GRIA4: variants seen among roughly 807,000 people sequenced by gnomAD.
GRIA4 encodes glutamate ionotropic receptor AMPA type subunit 4, also known as glutamate receptor 4.
GRIA4 carries 34 observed loss-of-function variants against 104.0 expected under a neutral mutation model. That is an observed-to-expected ratio of 0.33 (90% CI 0.25 to 0.44). The LOEUF (loss-of-function observed/expected upper bound fraction) is 0.44, where lower values mean the gene tolerates loss of function less well. Ranked by LOEUF, GRIA4 falls within the 20% of genes least tolerant of loss-of-function variation. The pLI, the probability that GRIA4 is intolerant of heterozygous loss-of-function variation, is 1.00. For missense variants in GRIA4, 750 were observed against 1,096.5 expected, an observed-to-expected ratio of 0.68 and a Z score of 4.46; for synonymous variants, 386 against 381.9, an observed-to-expected ratio of 1.01 and a Z score of -0.13.
chr11:105,762,935 T>C (rs2083675369), intron 4 of GRIA4, among the ~76,000 whole-genome samples: 3 of 152,206 alleles, frequency 2.0e-5, no homozygotes, highest in Admixed American at 2.0e-4. Flanking sequence ...TAACAGATTA[T>C]ACAATAGCAA....
At chr11:105,738,591 T>C (rs927994594) in intron 3 of GRIA4, among the ~76,000 whole-genome samples, 1 of 152,128 alleles carries the variant, frequency 6.6e-6, no homozygotes, top group Non-Finnish European at 1.5e-5. Flanking sequence ...TCTGCCCAAA[T>C]ATTATTCCAT....
At chr11:105,925,772 A>G (rs1358829973) in intron 12 of GRIA4, among the ~76,000 whole-genome samples, 1 of 152,146 alleles carries the variant, frequency 6.6e-6, no homozygotes, top group Admixed American at 6.6e-5. Context: ...TGTCTCTTTT[A>G]TAATAGCAAG....
At chr11:105,718,388 T>C (rs1954174013) in intron 3 of GRIA4, among the ~76,000 whole-genome samples, 1 of 152,088 alleles carries the variant, frequency 6.6e-6, no homozygotes, top group African/African-American at 2.4e-5. Flanking sequence ...CAGACAAAGG[T>C]ACCAATATTA....
intron 4 of GRIA4, among the ~76,000 whole-genome samples, chr11:105,811,224 G>T (rs1440430155): frequency 6.6e-6 from 1 of 152,136 alleles, no homozygotes; most frequent in Non-Finnish European, 1.5e-5. Flanking sequence ...AGATTCGAGG[G>T]TAAGGAAAAT....
At chr11:105,678,707 T>A (rs1952619200) in intron 3 of GRIA4, among the ~76,000 whole-genome samples, 1 of 152,106 alleles carries the variant, frequency 6.6e-6, no homozygotes, top group African/African-American at 2.4e-5. Flanking sequence ...TCAGTTGATG[T>A]TAGTGAAGCA....
At chr11:105,854,122 C>T (rs561181460) in intron 4 of GRIA4, among the ~76,000 whole-genome samples, 1 of 152,232 alleles carries the variant, frequency 6.6e-6, no homozygotes, top group African/African-American at 2.4e-5. Context: ...CTCCTGACTT[C>T]ATGAGCTTAC....
At chr11:105,651,474 A>AT (rs909278916) in intron 3 of GRIA4, among the ~76,000 whole-genome samples, 10 of 152,082 alleles carry the variant, frequency 6.6e-5, no homozygotes, top group Non-Finnish European at 2.9e-5. Flanking sequence ...CTCCTCTCTC[A>AT]TTTTTTAGAG....
chr11:105,944,528 CA>C (rs1948258349), intron 14 of GRIA4, among the ~76,000 whole-genome samples: 1 of 151,042 alleles, frequency 6.6e-6, no homozygotes, highest in African/African-American at 2.4e-5. Context: ...ACAGTAGCCT[CA>C]ACAGAGATAA....
intron 4 of GRIA4, among the ~76,000 whole-genome samples, chr11:105,816,158 T>G (rs982545050): frequency 3.3e-5 from 5 of 152,206 alleles, no homozygotes; most frequent in Non-Finnish European, 2.9e-5. Context: ...CACTTCTCTG[T>G]GCATTGGCCT....
intron 4 of GRIA4, among the ~76,000 whole-genome samples, chr11:105,792,860 C>T (rs1339272692): frequency 6.6e-6 from 1 of 151,916 alleles, no homozygotes; most frequent in Admixed American, 6.6e-5. Flanking sequence ...AATATTGCAT[C>T]TGGGCACTTG....
At chr11:105,899,858 T>C (rs745535605) in intron 7 of GRIA4, among the ~76,000 whole-genome samples, 5 of 152,168 alleles carry the variant, frequency 3.3e-5, no homozygotes, top group Non-Finnish European at 7.4e-5. Context: ...TGAAGCTTAT[T>C]TAACATGCGC....
chr11:105,898,358 A>G lies in GRIA4; in HGVS notation c.816A>G (p.Val272=). ...FQLVDFNTPM[V]IKLMDRWKKL... ...TGGTGGATTTTAATACACCTATGGT[A>G]ATCAAACTAATGGATCGCTGGAAGA... The change falls in exon 7 of 17, where the codon GTA becomes GTG. Residue 272 remains valine, a synonymous_variant. Coordinates refer to ENST00000282499, the MANE Select transcript of GRIA4 (RefSeq NM_000829.4). 6.3e-7 allele frequency: 1 copy of G among 1,582,134 alleles called. No individual in the cohort carries two copies.
chr11:105,839,075 G>A lies in GRIA4; in HGVS notation c.488-22949G>A, dbSNP rs925282202. 3.3e-5 allele frequency among the ~76,000 whole-genome samples: 5 copies of A among 151,786 alleles called. No individual in the cohort carries two copies. In the East Asian group the frequency reaches 9.7e-4, roughly 29 times the overall value. ...TCCACCCCCATCCATGCATGCACCGGCCCCCTCTAGCTTTCCCTCTACTGC... is the reference window on the plus strand; with the variant it reads ...TCCACCCCCATCCATGCATGCACCGACCCCCTCTAGCTTTCCCTCTACTGC... On this transcript the variant is annotated intron_variant, in intron 4 of 16. Coordinates refer to ENST00000282499, the MANE Select transcript of GRIA4 (RefSeq NM_000829.4).
intron 4 of GRIA4, among the ~76,000 whole-genome samples, chr11:105,779,995 T>C (rs1213782657): frequency 6.6e-6 from 1 of 152,124 alleles, no homozygotes; most frequent in Non-Finnish European, 1.5e-5. Context: ...GGTAAAAGTA[T>C]TAAGATAGTG....
chr11:105,736,676 A>G (rs1938969208), intron 3 of GRIA4, among the ~76,000 whole-genome samples: 1 of 152,140 alleles, frequency 6.6e-6, no homozygotes, highest in African/African-American at 2.4e-5. Context: ...TGTATTAGCT[A>G]CAAAATAGAT....
At chr11:105,971,281 A>G (rs1280651893) in intron 14 of GRIA4, among the ~76,000 whole-genome samples, 1 of 152,334 alleles carries the variant, frequency 6.6e-6, no homozygotes, top group African/African-American at 2.4e-5. Context: ...ATTTAGAAGG[A>G]AAGTATCATC....
At chr11:105,909,693 T>C (rs1947164059) in intron 9 of GRIA4, among the ~76,000 whole-genome samples, 1 of 152,132 alleles carries the variant, frequency 6.6e-6, no homozygotes, top group Non-Finnish European at 1.5e-5. Flanking sequence ...TGCTTAATGG[T>C]CTGCAAAAAA....
intron 4 of GRIA4, among the ~76,000 whole-genome samples, chr11:105,852,382 T>C (rs1239983909): frequency 6.6e-6 from 1 of 152,152 alleles, no homozygotes; most frequent in Non-Finnish European, 1.5e-5. Flanking sequence ...TTTACAGCTA[T>C]AGAAAAGATT....
chr11:105,771,924 A>G (rs978748419), intron 4 of GRIA4, among the ~76,000 whole-genome samples: 3 of 152,140 alleles, frequency 2.0e-5, no homozygotes, highest in Non-Finnish European at 2.9e-5. Flanking sequence ...AAAATGTATC[A>G]AAACTTACAC....
Sources: gnomAD v4.1 joint callset for allele counts (sites outside exome capture counted in the v4.1 genomes callset) on GRCh38, gnomAD v4.1.1 for gene constraint, MANE v1.5 for transcripts, NCBI Gene and HGNC (gene_info 2026-07-23, HGNC 2026-07-21) for gene names.